SLC36A1: variants seen among roughly 807,000 people sequenced by gnomAD.
The protein encoded by SLC36A1 is proton-coupled amino acid transporter 1.
SLC36A1 carries 30 observed loss-of-function variants against 47.5 expected under a neutral mutation model. The observed-to-expected ratio is 0.63, with a 90% CI of 0.47 to 0.86. SLC36A1 has a LOEUF of 0.86. Among genes scored for constraint, SLC36A1 ranks in the 40% least tolerant of loss-of-function variants. The probability of loss-of-function intolerance (pLI) is 0.00; values close to 1 mark genes in which losing one functional copy is unlikely to be tolerated. For synonymous variants in SLC36A1, 255 were observed against 249.7 expected (o/e 1.02, Z -0.20); for missense variants, 517 against 606.0 (o/e 0.85, Z 1.54).
the SLC36A1 span, chr5:151,517,532 TG>T: frequency 6.7e-7 from 1 of 1,503,432 alleles, no homozygotes; most frequent in Non-Finnish European, 9.1e-7. Context: ...TTGGCAGAAA[TG>T]GGCTTCCTGA....
chr5:151,512,683 G>T, the SLC36A1 span: 1 of 1,331,938 alleles, frequency 7.5e-7, no homozygotes, highest in Non-Finnish European at 1.0e-6. The surrounding 1 kb of genome is among the most constrained non-coding windows in gnomAD (Gnocchi z 4.1). Context: ...CCAGTTCAAA[G>T]AATGTTGTTT....
the SLC36A1 span, among the ~76,000 whole-genome samples, chr5:151,373,527 G>T: frequency 1.3e-5 from 2 of 152,072 alleles, no homozygotes; most frequent in Middle Eastern, 3.2e-3. Flanking sequence ...TCAACCCAGA[G>T]AAAATATCTT....
intron 1 of SLC36A1, among the ~76,000 whole-genome samples, chr5:151,453,846 ATTT>A (rs1754034746): frequency 1.3e-5 from 2 of 151,640 alleles, no homozygotes; most frequent in African/African-American, 4.8e-5. Context: ...ACACCTACAA[ATTT>A]TTATTTTTAA....
intron 8 of SLC36A1, 95 bp from the exon 9 acceptor site, chr5:151,476,495 A>G (rs1389014122): frequency 2.0e-6 from 2 of 1,004,174 alleles, no homozygotes; most frequent in East Asian, 4.9e-5. Context: ...TTCTGGGGAT[A>G]AAAGAGTTAC....
At chr5:151,471,985 C>T (rs990787645) in intron 7 of SLC36A1, among the ~76,000 whole-genome samples, 2 of 152,202 alleles carry the variant, frequency 1.3e-5, no homozygotes, top group Non-Finnish European at 2.9e-5. Flanking sequence ...AATCCCTCCT[C>T]CCCACCCTGC....
At chr5:151,400,153 C>T in the SLC36A1 span, among the ~76,000 whole-genome samples, 2 of 152,126 alleles carry the variant, frequency 1.3e-5, no homozygotes, top group African/African-American at 4.8e-5. Flanking sequence ...TCAACCCTTG[C>T]TCCCCTTCCT....
chr5:151,483,526 T>G (rs165362), intron 10 of SLC36A1, among the ~76,000 whole-genome samples: 66,718 of 138,446 alleles, frequency 0.48, 18,998 homozygotes, highest in African/African-American at 0.79. Flanking sequence ...GTGGGGGGGG[T>G]GATTAGGGGA....
At chr5:151,528,149 G>T in the SLC36A1 span, 2 of 1,612,212 alleles carry the variant, frequency 1.2e-6, no homozygotes, top group East Asian at 4.5e-5. Context: ...GTGGGGTAGG[G>T]GGATTGTGAA....
At chr5:151,536,636 T>C in the SLC36A1 span, among the ~76,000 whole-genome samples, 7 of 152,186 alleles carry the variant, frequency 4.6e-5, no homozygotes, top group Admixed American at 3.9e-4. Flanking sequence ...GAATCTCTGC[T>C]TCCCACTCTG....
the SLC36A1 span, among the ~76,000 whole-genome samples, chr5:151,345,741 A>G: frequency 6.6e-6 from 1 of 152,234 alleles, no homozygotes; most frequent in African/African-American, 2.4e-5. Flanking sequence ...GGGCCACTCA[A>G]CCAACTTGAA....
the SLC36A1 span, among the ~76,000 whole-genome samples, chr5:151,530,251 GAA>G: frequency 3.3e-4 from 42 of 128,746 alleles, no homozygotes; most frequent in Middle Eastern, 4.0e-3. Context: ...CTTAACACCA[GAA>G]AAAAAAAAAA....
At chr5:151,403,937 C>A in the SLC36A1 span, among the ~76,000 whole-genome samples, 1 of 152,086 alleles carries the variant, frequency 6.6e-6, no homozygotes, top group Non-Finnish European at 1.5e-5. Context: ...CTATAAGGTC[C>A]AATTGGTCAG....
At chr5:151,423,961 GATCT>G in the SLC36A1 span, among the ~76,000 whole-genome samples, 24 of 140,188 alleles carry the variant, frequency 1.7e-4, no homozygotes, top group African/African-American at 6.5e-4. Flanking sequence ...GAAAAAATAC[GATCT>G]ATTAAAAAAC....
At chr5:151,414,561 G>A in the SLC36A1 span, 8 of 152,156 alleles carry the variant, frequency 5.3e-5, no homozygotes, top group East Asian at 1.9e-4. Flanking sequence ...AGGACCTGGA[G>A]TGTCCTAAGC....
the SLC36A1 span, chr5:151,420,122 C>T: frequency 6.6e-6 from 1 of 152,170 alleles, no homozygotes; most frequent in Non-Finnish European, 1.5e-5. Flanking sequence ...GGTGCCAATA[C>T]CCACTGGTGC....
At chr5:151,349,830 A>G in the SLC36A1 span, among the ~76,000 whole-genome samples, 2 of 152,212 alleles carry the variant, frequency 1.3e-5, no homozygotes, top group Admixed American at 1.3e-4. Context: ...AATAAAGAAC[A>G]GAGACTCAGA....
the SLC36A1 span, chr5:151,549,153 C>G: frequency 1.4e-6 from 1 of 711,968 alleles, no homozygotes; most frequent in East Asian, 2.7e-5. Flanking sequence ...TTAGGTAGTC[C>G]CAGGGAATGC....
At chr5:151,377,570 ATC>A in the SLC36A1 span, among the ~76,000 whole-genome samples, 2 of 151,058 alleles carry the variant, frequency 1.3e-5, no homozygotes, top group Non-Finnish European at 2.9e-5. Flanking sequence ...GATGGTCTCG[ATC>A]TCCTGACCTC....
At chr5:151,543,475 C>T in the SLC36A1 span, 3 of 1,614,188 alleles carry the variant, frequency 1.9e-6, no homozygotes, top group South Asian at 1.1e-5. Flanking sequence ...AGCAATGACT[C>T]TCTCTGTTGA....
Sources: gnomAD v4.1 joint callset for allele counts (sites outside exome capture counted in the v4.1 genomes callset) on GRCh38, gnomAD v4.1.1 for gene constraint, Gnocchi (gnomAD v3.1) non-coding constraint, MANE v1.5 for transcripts, NCBI Gene and HGNC (gene_info 2026-07-23, HGNC 2026-07-21) for gene names.